The following VWDE variants were observed in gnomAD, a reference collection of about 807,000 sequenced individuals.
The protein encoded by VWDE is von Willebrand factor D and EGF domain-containing protein.
Under a neutral mutation model 178.4 loss-of-function variants are expected in VWDE, and 207 were observed. The observed-to-expected ratio is 1.16, with a 90% CI of 1.04 to 1.30. The LOEUF (loss-of-function observed/expected upper bound fraction) is 1.30, where lower values mean the gene tolerates loss of function less well. VWDE is among the 50% of genes most tolerant of loss of function. VWDE has a pLI of 0.00. For synonymous variants in VWDE, 738 were observed against 651.4 expected (o/e 1.13, Z -2.02); for missense variants, 2,287 against 1,901.3 (o/e 1.20, Z -3.77).
rs1253382804 is a variant in VWDE at position 12,344,435 on chromosome 7, C to G, written c.3921G>C (p.Glu1307Asp). Residue 1307 changes from glutamate (E) to aspartate (D), a missense_variant, in exon 20 of 29, where the codon GAG becomes GAC. By Grantham distance (45) the Glu-to-Asp change is conservative. Transcript: ENST00000275358. ...ATTTGCAGATGTTTGGGGCAACACA[C>G]TCCCTACTTTTTCCACATGGATATT... is the stretch of plus-strand genomic sequence containing the variant. The part of the protein sequence containing the change: ...ICKYPCGKSR[E>D]CVAPNICKCK... 1 of 1,550,642 alleles carries G rather than the reference C, an allele frequency of 6.4e-7. No individual in the cohort carries two copies. The highest frequency in any genetic ancestry group is 1.4e-5 in the African/African-American group (1 of 73,084).
At chr7:12,351,987 G>T (rs6460934) in intron 18 of VWDE, among the ~76,000 whole-genome samples, 2 of 151,952 alleles carry the variant, frequency 1.3e-5, no homozygotes, top group Admixed American at 1.3e-4. Context: ...GATCATAAGA[G>T]TGGCACCCTA....
At position 12,389,191 on chromosome 7, in the gene VWDE, G is replaced by A. The variant is rs916746065; in HGVS notation, c.411C>T (p.Asn137=). 3.2e-6 allele frequency: 5 copies of A among 1,551,894 alleles called. No individual in the cohort carries two copies. The highest frequency in any genetic ancestry group is 2.6e-6 in the Non-Finnish European group (3 of 1,147,042). ...GTAAGTATACAGAAAAGTTCCCACA[G>A]TTTCTTACAGACACTGGGATTTGAA... ...CLFQIPVSVR[N]CGNFSVYLLQ... is the part of the protein sequence containing the mutation. Residue 137 remains asparagine (N), a synonymous_variant, in exon 3 of 29, where the codon AAC becomes AAT. Coordinates refer to ENST00000275358, the MANE Select transcript of VWDE (RefSeq NM_001135924.3).
At chr7:12,399,193 C>G (rs1784763908) in intron 1 of VWDE, among the ~76,000 whole-genome samples, 1 of 152,076 alleles carries the variant, frequency 6.6e-6, no homozygotes, top group Non-Finnish European at 1.5e-5. Context: ...AACTGAGGTC[C>G]TCTTCTGCAC....
rs1367450775 is a variant in VWDE at position 12,389,201 on chromosome 7, G to C, written c.401C>G (p.Ser134Cys). The C allele has an allele frequency of 6.4e-7, 1 of 1,551,846 alleles. No homozygotes were observed. The highest frequency in any genetic ancestry group is 8.7e-7 in the Non-Finnish European group (1 of 1,147,040). Reference protein sequence around the residue: ...KDCCLFQIPVSVRNCGNFSVY... With the variant: ...KDCCLFQIPVCVRNCGNFSVY... ...AGAAAAGTTCCCACAGTTTCTTACA[G>C]ACACTGGGATTTGAAAGAGACAGCA... is the stretch of plus-strand genomic sequence containing the variant. The change falls in exon 3 of 29, where the codon TCT becomes TGT. Residue 134 changes from serine (S) to cysteine (C), a missense_variant. Transcript: ENST00000275358.
chr7:12,379,460 T>A lies in VWDE; in HGVS notation c.879+17A>T. 6.6e-7 allele frequency: 1 copy of A among 1,517,124 alleles called. No homozygotes were observed. Among genetic ancestry groups the A allele is most frequent in the Non-Finnish European group, 8.9e-7 (1 of 1,119,306 alleles). 94.0% of individuals were successfully genotyped at this position (1,517,124 alleles called of 1,614,324 possible). On this transcript the variant is annotated intron_variant, in intron 6 of 28. Transcript: ENST00000275358. ...CCAGAGGAATAATCTTTCTGATGCA[T>A]CCCCACTGCTGCGTACCTTAAAGCC...
intron 24 of VWDE, among the ~76,000 whole-genome samples, chr7:12,338,983 C>G (rs1313437670): frequency 1.3e-5 from 2 of 152,080 alleles, no homozygotes; most frequent in South Asian, 4.1e-4. Context: ...ATCTTCCCTT[C>G]CCACCATTTA....
In VWDE at chr7:12,380,649, C is replaced by T. The variant is rs779328910; in HGVS notation, c.626G>A (p.Arg209Lys). Reference protein sequence around the residue: ...VELIESRLFCRCSFDVPATKN... With the variant: ...VELIESRLFCKCSFDVPATKN... Reference sequence around the variant, plus strand: ...TGTAGCGGGAACATCAAAAGAACACCTACAGAAAAGCCTGGACTCAATCAA... The same window carrying T: ...TGTAGCGGGAACATCAAAAGAACACTTACAGAAAAGCCTGGACTCAATCAA... Residue 209 changes from arginine to lysine, a missense_variant, in exon 5 of 29, where the codon AGG becomes AAG. Physicochemically the swap from Arg to Lys is conservative, Grantham distance 26. Coordinates refer to ENST00000275358, the MANE Select transcript of VWDE (RefSeq NM_001135924.3). 2 of 1,552,104 alleles carry T rather than the reference C, an allele frequency of 1.3e-6. No homozygotes were observed. Among genetic ancestry groups the T allele is most frequent in the East Asian group, 2.4e-5 (1 of 40,910 alleles).
At chr7:12,363,995 G>T (rs1024136857) in intron 13 of VWDE, among the ~76,000 whole-genome samples, 1 of 151,956 alleles carries the variant, frequency 6.6e-6, no homozygotes, top group Non-Finnish European at 1.5e-5. Context: ...CAGAGGAAAG[G>T]CTTAGAATTT....
intron 19 of VWDE, among the ~76,000 whole-genome samples, chr7:12,348,783 T>A (rs993711448): frequency 6.6e-6 from 1 of 151,196 alleles, no homozygotes; most frequent in East Asian, 1.9e-4. Context: ...ACATGTATGT[T>A]TATTGTGGCA....
chr7:12,334,023 T>C (rs1012043114), intron 27 of VWDE, among the ~76,000 whole-genome samples: 2 of 152,126 alleles, frequency 1.3e-5, no homozygotes, highest in African/African-American at 2.4e-5. Context: ...GTGAAATAAC[T>C]ACTGAAAATT....
At position 12,370,334 on chromosome 7, in the gene VWDE, A is replaced by G; in HGVS notation, c.1972T>C (p.Leu658=). 1 of 1,551,312 alleles carries G rather than the reference A, an allele frequency of 6.4e-7. No homozygotes were observed. Among genetic ancestry groups the G allele is most frequent in the Non-Finnish European group, 8.7e-7 (1 of 1,146,836 alleles). The change falls in exon 12 of 29, where the codon TTA becomes CTA. Residue 658 remains leucine, a synonymous_variant. Transcript: ENST00000275358. ...TCTAGTTCTGGTATCAAAGAAGATA[A>G]GCTGACATGATTGAGGTCTTTGCAA... ...LGCKDLNHVS[L]SSLIPELDVT...
chr7:12,341,376 G>A (rs947046352), intron 23 of VWDE, among the ~76,000 whole-genome samples: 1 of 152,170 alleles, frequency 6.6e-6, no homozygotes, highest in African/African-American at 2.4e-5. Flanking sequence ...GCTCACGCTT[G>A]TAATCCCAGT....
intron 7 of VWDE, among the ~76,000 whole-genome samples, chr7:12,376,678 G>C (rs1166843395): frequency 6.6e-6 from 1 of 152,004 alleles, no homozygotes; most frequent in African/African-American, 2.4e-5. Context: ...ACTTGAAGTA[G>C]AATTGTGTCA....
rs1426539359 is a variant in VWDE at position 12,361,527 on chromosome 7, G to A, written c.2899-6C>T. The A allele has an allele frequency of 1.3e-5, 20 of 1,501,202 alleles. No individual in the cohort carries two copies. The highest frequency in any genetic ancestry group is 2.5e-5 in the Admixed American group (1 of 40,424). The allele number at this position is 1,501,202 out of a possible 1,614,324, so 93.0% of individuals were successfully genotyped here. ...ATCCATTCACTGCTATTATACTGAAGACATAGTGAGAAAAAAATTAACCTC... is the reference window on the plus strand; with the variant it reads ...ATCCATTCACTGCTATTATACTGAAAACATAGTGAGAAAAAAATTAACCTC... On this transcript the variant is annotated splice_region_variant and splice_polypyrimidine_tract_variant and intron_variant, in intron 13 of 28. Coordinates refer to ENST00000275358, the MANE Select transcript of VWDE (RefSeq NM_001135924.3).
chr7:12,391,354 G>A (rs1320224767), intron 2 of VWDE, among the ~76,000 whole-genome samples: 1 of 152,134 alleles, frequency 6.6e-6, no homozygotes, highest in Non-Finnish European at 1.5e-5. Flanking sequence ...TGATTTTCTG[G>A]TTGAATACTT....
Position 12,374,871 on chromosome 7 carries a change from CAT to C in VWDE, c.1243-111_1243-110del, listed in dbSNP as rs2128556821. 2.6e-6 allele frequency: 3 copies of C among 1,148,616 alleles called. No individual in the cohort carries two copies. In the East Asian group the frequency reaches 7.8e-5, roughly 30 times the overall value. 71.2% of individuals were successfully genotyped at this position (1,148,616 alleles called of 1,614,324 possible). ...ACTTTCAATTAATTATTGTTTTTAT[CAT>C]AGTTATTGAAAATTGAATCATTTAA... On this transcript the variant is annotated intron_variant, in intron 8 of 28. Coordinates refer to ENST00000275358, the MANE Select transcript of VWDE (RefSeq NM_001135924.3).
intron 1 of VWDE, among the ~76,000 whole-genome samples, chr7:12,401,002 A>G (rs1179612898): frequency 6.6e-6 from 1 of 152,174 alleles, no homozygotes; most frequent in African/African-American, 2.4e-5. Flanking sequence ...ATTTTTAAAA[A>G]TCCAACACCT....
intron 12 of VWDE, among the ~76,000 whole-genome samples, chr7:12,368,702 A>G (rs1353045931): frequency 6.6e-6 from 1 of 152,040 alleles, no homozygotes; most frequent in Non-Finnish European, 1.5e-5. Flanking sequence ...ATATGATCTC[A>G]CTCACATTTC....
At chr7:12,396,600 C>T (rs1446504265) in intron 1 of VWDE, among the ~76,000 whole-genome samples, 1 of 152,012 alleles carries the variant, frequency 6.6e-6, no homozygotes, top group African/African-American at 2.4e-5. Flanking sequence ...CCATTCCATA[C>T]TCATGGATTA....
Sources: gnomAD v4.1 joint callset for allele counts (sites outside exome capture counted in the v4.1 genomes callset) on GRCh38, gnomAD v4.1.1 for gene constraint, MANE v1.5 for transcripts, NCBI Gene and HGNC (gene_info 2026-07-23, HGNC 2026-07-21) for gene names.